GBE1: variants seen among roughly 807,000 people sequenced by gnomAD.
The protein encoded by GBE1 is 1,4-alpha-glucan-branching enzyme.
GBE1 carries 70 observed loss-of-function variants against 88.8 expected under a neutral mutation model. The observed-to-expected ratio is 0.79, with a 90% CI of 0.65 to 0.96. The LOEUF (loss-of-function observed/expected upper bound fraction) is 0.96. Among genes scored for constraint, GBE1 ranks in the 40% least tolerant of loss-of-function variants. GBE1 has a pLI of 0.00. For synonymous variants in GBE1, 284 were observed against 300.1 expected (o/e 0.95, Z 0.56); for missense variants, 872 against 871.0 (o/e 1.00, Z -0.01).
chr3:81,645,557 G>A (rs1053675965), intron 6 of GBE1, among the ~76,000 whole-genome samples: 1 of 152,184 alleles, frequency 6.6e-6, no homozygotes, highest in Admixed American at 6.5e-5. Context: ...AGGATTTGGA[G>A]ACAGTATTAT....
intron 1 of GBE1, among the ~76,000 whole-genome samples, chr3:81,707,938 T>C (rs1483053691): frequency 6.6e-6 from 1 of 151,944 alleles, no homozygotes; most frequent in African/African-American, 2.4e-5. Flanking sequence ...TTAATATCAG[T>C]GGGATTATTT....
At chr3:81,605,030 G>A (rs1474721090) in intron 7 of GBE1, among the ~76,000 whole-genome samples, 2 of 151,988 alleles carry the variant, frequency 1.3e-5, no homozygotes, top group African/African-American at 4.8e-5. Flanking sequence ...CCAGCCTCTA[G>A]TGAGAGTAAG....
At chr3:81,513,413 G>A (rs971474068) in intron 14 of GBE1, among the ~76,000 whole-genome samples, 1 of 151,330 alleles carries the variant, frequency 6.6e-6, no homozygotes, top group Non-Finnish European at 1.5e-5. Flanking sequence ...TGGGAACTAG[G>A]ACATGCGAAA....
At chr3:81,580,054 GA>G (rs1398909136) in intron 11 of GBE1, among the ~76,000 whole-genome samples, 1 of 152,066 alleles carries the variant, frequency 6.6e-6, no homozygotes, top group Non-Finnish European at 1.5e-5. Context: ...GGAGACACCT[GA>G]AAAAATCATG....
intron 1 of GBE1, among the ~76,000 whole-genome samples, chr3:81,730,939 T>C (rs773633309): frequency 3.3e-5 from 5 of 152,136 alleles, no homozygotes; most frequent in African/African-American, 4.8e-5. Flanking sequence ...CAATATGTTA[T>C]GTTTCAAGTA....
intron 8 of GBE1, 119 bp from the exon 9 acceptor site, chr3:81,591,283 C>A (rs1366053987): frequency 7.2e-6 from 5 of 696,382 alleles, no homozygotes; most frequent in African/African-American, 1.8e-5. Flanking sequence ...AGTTTAATAA[C>A]ATAAGCATCA....
intron 15 of GBE1, among the ~76,000 whole-genome samples, chr3:81,495,598 T>G (rs914040220): frequency 3.9e-5 from 6 of 152,236 alleles, no homozygotes; most frequent in African/African-American, 1.2e-4. Flanking sequence ...CTCATTATTT[T>G]GCATTGGGGT....
chr3:81,761,288 G>C (rs1489699256), intron 1 of GBE1, 87 bp downstream of exon 1: 3 of 1,481,962 alleles, frequency 2.0e-6, no homozygotes, highest in Admixed American at 2.2e-5. Flanking sequence ...GTTGGCGCGC[G>C]AGGGCCGAGG....
At chr3:81,721,239 A>C (rs1181562252) in intron 1 of GBE1, among the ~76,000 whole-genome samples, 1 of 95,594 alleles carries the variant, frequency 1.0e-5, no homozygotes, top group Non-Finnish European at 2.0e-5. Context: ...AAATAAAAAC[A>C]CATGAAAAAA....
intron 2 of GBE1, among the ~76,000 whole-genome samples, chr3:81,703,456 A>T (rs1310313015): frequency 6.6e-6 from 1 of 152,024 alleles, no homozygotes; most frequent in Admixed American, 6.6e-5. Flanking sequence ...CTTTCCAGTA[A>T]AGAAGCCAGT....
In GBE1 at chr3:81,512,592, A is replaced by G. The variant is rs74529721; in HGVS notation, c.1935-13365T>C. On this transcript the variant is annotated intron_variant, in intron 14 of 15. Transcript: ENST00000429644. ...TCAATGGCATTTCTAGAGGGCAACA[A>G]AAAGATGAATTATCTGGTGACCAAA... 1.8e-4 allele frequency among the ~76,000 whole-genome samples: 28 copies of G among 151,990 alleles called. No homozygotes were observed. In the East Asian group the frequency reaches 4.9e-3, roughly 26 times the overall value.
At chr3:81,749,566 C>T (rs1044122310) in intron 1 of GBE1, among the ~76,000 whole-genome samples, 2 of 152,274 alleles carry the variant, frequency 1.3e-5, no homozygotes, top group Admixed American at 1.3e-4. Flanking sequence ...TTAATATACA[C>T]ATGTGATAAA....
intron 7 of GBE1, among the ~76,000 whole-genome samples, chr3:81,606,529 G>A (rs1704104503): frequency 1.3e-5 from 2 of 152,222 alleles, no homozygotes; most frequent in African/African-American, 4.8e-5. Flanking sequence ...TACAGGTCCA[G>A]TATAATCTGA....
At chr3:81,632,318 A>G (rs570110208) in intron 7 of GBE1, among the ~76,000 whole-genome samples, 2 of 152,234 alleles carry the variant, frequency 1.3e-5, no homozygotes, top group African/African-American at 2.4e-5. Flanking sequence ...TCTGACAAAG[A>G]GCTAATATCC....
chr3:81,755,293 C>A (rs977062181), intron 1 of GBE1, among the ~76,000 whole-genome samples: 1 of 151,958 alleles, frequency 6.6e-6, no homozygotes, highest in African/African-American at 2.4e-5. Flanking sequence ...GTTAAAATAG[C>A]TTGTATCAAA....
intron 7 of GBE1, among the ~76,000 whole-genome samples, chr3:81,610,914 G>C (rs1704173147): frequency 6.6e-6 from 1 of 151,870 alleles, no homozygotes; most frequent in Admixed American, 6.6e-5. Context: ...ACTAACTACA[G>C]CAAGGGATTT....
At chr3:81,554,005 T>G (rs757616932) in intron 12 of GBE1, among the ~76,000 whole-genome samples, 11 of 152,094 alleles carry the variant, frequency 7.2e-5, no homozygotes, top group Non-Finnish European at 1.2e-4. Flanking sequence ...AAATCGAGAA[T>G]GAGTGTTATA....
chr3:81,490,520 T>C, intron 15 of GBE1, 57 bp from the exon 16 acceptor site: 2 of 1,361,322 alleles, frequency 1.5e-6, no homozygotes, highest in Non-Finnish European at 2.1e-6. Flanking sequence ...GGCCTGTCAT[T>C]ATGTCAAAGA....
chr3:81,511,288 C>T (rs1178936922), intron 14 of GBE1, among the ~76,000 whole-genome samples: 1 of 151,938 alleles, frequency 6.6e-6, no homozygotes, highest in Non-Finnish European at 1.5e-5. Context: ...ATGGCTAACT[C>T]ATCAAAAGCA....
Sources: allele counts gnomAD v4.1 joint callset (sites outside exome capture counted in the v4.1 genomes callset), GRCh38; gene constraint gnomAD v4.1.1; transcripts MANE v1.5; gene names NCBI Gene and HGNC (gene_info 2026-07-23, HGNC 2026-07-21).